Variants in CTSS observed in about 807,000 individuals in gnomAD.
The protein encoded by CTSS is cathepsin S.
Under a neutral mutation model 39.9 loss-of-function variants are expected in CTSS, and 15 were observed. The ratio of observed to expected loss-of-function variants is 0.38; its 90% CI spans 0.25 to 0.58. CTSS has a LOEUF of 0.58. Ranked by LOEUF, CTSS falls within the 20% of genes least tolerant of loss-of-function variation. The probability of loss-of-function intolerance (pLI) is 0.70; values close to 1 mark genes in which losing one functional copy is unlikely to be tolerated. For synonymous variants in CTSS, 126 were observed against 138.2 expected (o/e 0.91, Z 0.62); for missense variants, 250 against 398.2 (o/e 0.63, Z 3.17).
intron 7 of CTSS, among the ~76,000 whole-genome samples, chr1:150,738,149 G>A (rs1300974252): frequency 1.3e-5 from 2 of 152,174 alleles, no homozygotes; most frequent in African/African-American, 4.8e-5. Flanking sequence ...CTGTGTAGAG[G>A]ATTGATTCCA....
chr1:150,735,377 G>C (rs1221746819), intron 7 of CTSS, among the ~76,000 whole-genome samples: 1 of 151,954 alleles, frequency 6.6e-6, no homozygotes, highest in Non-Finnish European at 1.5e-5. Context: ...CCACCTTACT[G>C]GTCTCTTGGC....
intron 2 of CTSS, among the ~76,000 whole-genome samples, chr1:150,758,631 C>T (rs587687856): frequency 2.0e-5 from 3 of 151,846 alleles, no homozygotes; most frequent in Non-Finnish European, 2.9e-5. Context: ...GCCTTGACCT[C>T]CTGGGACCCA....
intron 7 of CTSS, among the ~76,000 whole-genome samples, chr1:150,736,366 T>C (rs1018108084): frequency 3.3e-5 from 5 of 152,192 alleles, no homozygotes; most frequent in Non-Finnish European, 7.3e-5. Flanking sequence ...AGGTCAAATC[T>C]AGGATTATTT....
chr1:150,760,659 G>T (rs1373458351), intron 2 of CTSS, among the ~76,000 whole-genome samples: 1 of 151,986 alleles, frequency 6.6e-6, no homozygotes, highest in Non-Finnish European at 1.5e-5. Flanking sequence ...TGGGAGGATT[G>T]TGTGAATCTA....
At chr1:150,746,678 CA>C (rs1191744564) in intron 7 of CTSS, among the ~76,000 whole-genome samples, 1 of 151,982 alleles carries the variant, frequency 6.6e-6, no homozygotes, top group Admixed American at 6.6e-5. Flanking sequence ...AGAAGTAAAC[CA>C]AAAGAGAAGA....
At position 150,732,713 on chromosome 1, in the gene CTSS, A is replaced by T. The variant is rs1652549468; in HGVS notation, c.*333T>A. 5.5e-6 allele frequency: 1 copy of T among 180,814 alleles called. No homozygotes were observed. Among genetic ancestry groups the T allele is most frequent in the Non-Finnish European group, 1.2e-5 (1 of 86,062 alleles). The allele number at this position is 180,814 out of a possible 1,614,324, so 11.2% of individuals were successfully genotyped here. A position where few individuals can be genotyped will look rare whatever the true frequency, so the allele number is the denominator to read the frequency against. On this transcript the variant is annotated 3_prime_UTR_variant, in exon 8 of 8. Coordinates refer to ENST00000368985, the MANE Select transcript of CTSS (RefSeq NM_004079.5). ...AGCCTCAACCTCTTGGGTTCAAGGA[A>T]TCTCGTGCCTCAGCCTCCCAAGTAG... is the stretch of plus-strand genomic sequence containing the variant.
At chr1:150,745,660 T>A (rs1652879497) in intron 7 of CTSS, among the ~76,000 whole-genome samples, 1 of 151,714 alleles carries the variant, frequency 6.6e-6, no homozygotes, top group East Asian at 1.9e-4. Context: ...AGACCCTGTC[T>A]CAAAAAGGGG....
intron 3 of CTSS, among the ~76,000 whole-genome samples, chr1:150,756,289 G>C (rs924252864): frequency 6.6e-6 from 1 of 152,150 alleles, no homozygotes; most frequent in Non-Finnish European, 1.5e-5. Context: ...GTTTTCTACT[G>C]GATGCCTCCT....
At chr1:150,735,034 C>T (rs760945406) in intron 7 of CTSS, among the ~76,000 whole-genome samples, 6 of 152,086 alleles carry the variant, frequency 3.9e-5, no homozygotes, top group Non-Finnish European at 7.4e-5. Flanking sequence ...GAAAGGAAAA[C>T]TGGATATCTT....
chr1:150,740,417 T>G (rs1166809564), intron 7 of CTSS, among the ~76,000 whole-genome samples: 3 of 152,126 alleles, frequency 2.0e-5, no homozygotes, highest in South Asian at 4.1e-4. Flanking sequence ...AGAGTCTCGC[T>G]CTGTCACCCC....
chr1:150,755,521 C>T (rs1653105543), intron 3 of CTSS, among the ~76,000 whole-genome samples: 1 of 152,168 alleles, frequency 6.6e-6, no homozygotes. Flanking sequence ...GGGCAAATCA[C>T]CTGAGGTCAG....
intron 2 of CTSS, among the ~76,000 whole-genome samples, chr1:150,763,696 T>C (rs587605043): frequency 6.6e-6 from 1 of 152,336 alleles, no homozygotes; most frequent in South Asian, 2.1e-4. Context: ...AAATATTACA[T>C]AGTTACAGGA....
chr1:150,749,129 A>G (rs1460431281), intron 6 of CTSS, among the ~76,000 whole-genome samples: 1 of 152,180 alleles, frequency 6.6e-6, no homozygotes, highest in African/African-American at 2.4e-5. Context: ...GATAGCTTCT[A>G]AGTGTTCAAG....
intron 7 of CTSS, among the ~76,000 whole-genome samples, chr1:150,738,493 T>TC (rs1226216784): frequency 6.6e-6 from 1 of 151,090 alleles, no homozygotes; most frequent in Non-Finnish European, 1.5e-5. Context: ...ATCAGTGATT[T>TC]TTTTTTTTTT....
At chr1:150,748,747 A>G (rs935362557) in intron 6 of CTSS, among the ~76,000 whole-genome samples, 2 of 152,140 alleles carry the variant, frequency 1.3e-5, no homozygotes, top group African/African-American at 2.4e-5. Context: ...GCACCCAGCT[A>G]GATATTGCAT....
At chr1:150,762,998 T>C (rs944543659) in intron 2 of CTSS, among the ~76,000 whole-genome samples, 11 of 151,786 alleles carry the variant, frequency 7.2e-5, no homozygotes, top group Admixed American at 5.9e-4. Context: ...TTATTCACAA[T>C]AGCCAAGATA....
intron 2 of CTSS, among the ~76,000 whole-genome samples, chr1:150,761,694 G>A (rs587612776): frequency 6.6e-6 from 1 of 152,172 alleles, no homozygotes; most frequent in South Asian, 2.1e-4. Context: ...TCACGCCACT[G>A]CACCCCAGCC....
At chr1:150,760,949 G>A (rs373339036) in intron 2 of CTSS, among the ~76,000 whole-genome samples, 12 of 151,004 alleles carry the variant, frequency 7.9e-5, no homozygotes, top group African/African-American at 2.7e-4. Context: ...GGGAGGCCAA[G>A]ATGGGTTGAT....
In CTSS at chr1:150,753,480, A is replaced by G. The variant is rs150263093; in HGVS notation, c.400-1472T>C. ...TTCAACTTTGAAACTCACAAGTGAA[A>G]TGGAGAAACTTCCTGATCACCAGGG... On this transcript the variant is annotated intron_variant, in intron 4 of 7. Coordinates refer to ENST00000368985, the MANE Select transcript of CTSS (RefSeq NM_004079.5). Among the ~76,000 whole-genome samples, 340 of 152,332 alleles carry G rather than the reference A, an allele frequency of 2.2e-3. 1 individual carries two copies. The highest frequency in any genetic ancestry group is 7.6e-3 in the African/African-American group (315 of 41,582).
Sources: gnomAD v4.1 joint callset for allele counts (sites outside exome capture counted in the v4.1 genomes callset) on GRCh38, gnomAD v4.1.1 for gene constraint, MANE v1.5 for transcripts, NCBI Gene and HGNC (gene_info 2026-07-23, HGNC 2026-07-21) for gene names.